RORA: variants seen among roughly 807,000 people sequenced by gnomAD.
RORA encodes RAR related orphan receptor A.
In RORA, 7 loss-of-function variants were observed where a neutral mutation model predicts 69.5. The observed-to-expected ratio is 0.10, with a 90% confidence interval of 0.06 to 0.19. The LOEUF (loss-of-function observed/expected upper bound fraction) is 0.19, where lower values mean the gene tolerates loss of function less well. Among genes scored for constraint, RORA ranks in the 10% least tolerant of loss-of-function variants. RORA has a pLI of 1.00. For synonymous variants in RORA, 261 were observed against 240.8 expected, an observed-to-expected ratio of 1.08 and a Z score of -0.78; for missense variants, 457 against 663.0, an observed-to-expected ratio of 0.69 and a Z score of 3.41.
intron 1 of RORA, among the ~76,000 whole-genome samples, chr15:60,837,752 G>A (rs1198685721): frequency 6.6e-6 from 1 of 152,054 alleles, no homozygotes; most frequent in Non-Finnish European, 1.5e-5. Flanking sequence ...AATCATAAAC[G>A]GCTCCACTAA....
At chr15:60,539,153 T>C (rs1413019386) in intron 2 of RORA, among the ~76,000 whole-genome samples, 5 of 152,198 alleles carry the variant, frequency 3.3e-5, no homozygotes, top group Non-Finnish European at 7.3e-5. Context: ...GTTAAAATAC[T>C]GCGCCAGAAT....
chr15:61,132,937 T>C (rs745428036), intron 1 of RORA, among the ~76,000 whole-genome samples: 1 of 152,202 alleles, frequency 6.6e-6, no homozygotes, highest in Non-Finnish European at 1.5e-5. Flanking sequence ...TGTATCAAAA[T>C]GGAACACTCG....
chr15:60,659,382 A>T (rs2070269680), intron 2 of RORA, among the ~76,000 whole-genome samples: 1 of 152,188 alleles, frequency 6.6e-6, no homozygotes, highest in South Asian at 2.1e-4. Context: ...CTAACATGGG[A>T]GGTGAAGTTA....
At chr15:61,222,743 T>C (rs1001540384) in intron 1 of RORA, among the ~76,000 whole-genome samples, 5 of 152,222 alleles carry the variant, frequency 3.3e-5, no homozygotes, top group African/African-American at 1.2e-4. Context: ...GCTTTCCATA[T>C]TCGTCCAGTG....
chr15:60,826,075 T>C (rs1163157265), intron 1 of RORA, among the ~76,000 whole-genome samples: 1 of 152,144 alleles, frequency 6.6e-6, no homozygotes, highest in Non-Finnish European at 1.5e-5. Flanking sequence ...CAGACCGCTT[T>C]CCAAATATGA....
chr15:60,643,748 G>A (rs1367570036), intron 2 of RORA, among the ~76,000 whole-genome samples: 1 of 152,120 alleles, frequency 6.6e-6, no homozygotes, highest in Non-Finnish European at 1.5e-5. Flanking sequence ...TGCTTAGCAT[G>A]AAAATGAGCC....
chr15:60,850,210 A>G lies in RORA; in HGVS notation c.167-171524T>C, dbSNP rs540812692. ...TGCCTCTCACATGTTTAGGGTCGAA[A>G]TAACATGCAGCTCCTCCAGCCCAAA... On this transcript the variant is annotated intron_variant, in intron 1 of 10. Coordinates refer to ENST00000335670, the MANE Select transcript of RORA (RefSeq NM_134261.3). Among the ~76,000 whole-genome samples, 111 of 152,288 alleles carry G rather than the reference A, an allele frequency of 7.3e-4. 3 individuals carry two copies. The South Asian group carries it at 0.022, about 30-fold the overall frequency.
intron 2 of RORA, among the ~76,000 whole-genome samples, chr15:60,564,653 C>T (rs1341116443): frequency 6.6e-6 from 1 of 152,152 alleles, no homozygotes. Flanking sequence ...CCTGGGAAGA[C>T]TACAGCTTGC....
intron 8 of RORA, 93 bp from the exon 9 acceptor site, chr15:60,501,162 C>A: frequency 3.2e-6 from 2 of 624,088 alleles, no homozygotes; most frequent in Non-Finnish European, 5.8e-6. Flanking sequence ...TCTCCTAAGT[C>A]CAATAGAAGG....
At chr15:60,647,872 T>A (rs1459688797) in intron 2 of RORA, among the ~76,000 whole-genome samples, 1 of 152,168 alleles carries the variant, frequency 6.6e-6, no homozygotes, top group Non-Finnish European at 1.5e-5. Context: ...TCAGAATCTG[T>A]GGGATCACAC....
At chr15:60,837,038 C>CT (rs35079716) in intron 1 of RORA, among the ~76,000 whole-genome samples, 90,053 of 142,936 alleles carry the variant, frequency 0.63, 31,833 homozygotes, top group Middle Eastern at 0.82. Flanking sequence ...ATACCTTGAC[C>CT]TTTTTTTTTT....
At chr15:60,999,070 A>G (rs28495169) in intron 1 of RORA, among the ~76,000 whole-genome samples, 3,510 of 152,264 alleles carry the variant, frequency 0.023, 137 homozygotes, top group African/African-American at 0.08. Flanking sequence ...CCAGAGCTAG[A>G]AGAGAGCCTG....
At chr15:61,172,890 A>C (rs2079598128) in intron 1 of RORA, among the ~76,000 whole-genome samples, 1 of 152,150 alleles carries the variant, frequency 6.6e-6, no homozygotes, top group Non-Finnish European at 1.5e-5. Context: ...GCTGTGTCCA[A>C]GCAAGTCCTT....
chr15:61,139,925 G>A (rs2079282523), intron 1 of RORA, among the ~76,000 whole-genome samples: 1 of 152,152 alleles, frequency 6.6e-6, no homozygotes, highest in Non-Finnish European at 1.5e-5. Flanking sequence ...TGGATTGAAA[G>A]GAATTGTTAC....
chr15:60,514,573 C>G (rs759563182), intron 4 of RORA, 43 bp downstream of exon 4: 1 of 1,602,032 alleles, frequency 6.2e-7, no homozygotes, highest in South Asian at 1.1e-5. Context: ...AAGGCACTTT[C>G]ACAACCCCGT....
chr15:60,751,433 C>T (rs1412249875), intron 1 of RORA, among the ~76,000 whole-genome samples: 7 of 152,244 alleles, frequency 4.6e-5, no homozygotes, highest in Non-Finnish European at 8.8e-5. Flanking sequence ...ATAATAATGA[C>T]GATAAGCTAG....
chr15:60,940,738 C>T (rs1892669562), intron 1 of RORA, among the ~76,000 whole-genome samples: 1 of 152,074 alleles, frequency 6.6e-6, no homozygotes, highest in Admixed American at 6.5e-5. Context: ...CCATCCTGGC[C>T]AACATGGTGA....
At chr15:60,779,358 A>G (rs2072221185) in intron 1 of RORA, among the ~76,000 whole-genome samples, 1 of 152,200 alleles carries the variant, frequency 6.6e-6, no homozygotes, top group African/African-American at 2.4e-5. Flanking sequence ...CAAGGAGTTC[A>G]GATCAAAGGC....
At chr15:60,961,641 A>C (rs1013265322) in intron 1 of RORA, among the ~76,000 whole-genome samples, 1 of 152,216 alleles carries the variant, frequency 6.6e-6, no homozygotes, top group African/African-American at 2.4e-5. Context: ...GCCAAAGGAA[A>C]GGAGGAGGGA....
Sources: allele counts gnomAD v4.1 joint callset (sites outside exome capture counted in the v4.1 genomes callset), GRCh38; gene constraint gnomAD v4.1.1; transcripts MANE v1.5; gene names NCBI Gene and HGNC (gene_info 2026-07-23, HGNC 2026-07-21).